KRT6B: variants seen among roughly 807,000 people sequenced by gnomAD.
KRT6B encodes keratin 6B, also known as keratin, type II cytoskeletal 6B.
A neutral mutation model predicts 44.7 loss-of-function variants in KRT6B; 29 were observed. That is an observed-to-expected ratio of 0.65 (90% CI 0.48 to 0.88). The LOEUF is 0.88. KRT6B is among the 40% of genes least tolerant of loss of function. The pLI is 0.00. For missense variants in KRT6B, 600 were observed against 724.0 expected (o/e 0.83, Z 1.97); for synonymous variants, 213 against 296.0 (o/e 0.72, Z 2.88).
intron 6 of KRT6B, 78 bp downstream of exon 6, chr12:52,448,764 A>T: frequency 6.2e-7 from 1 of 1,611,734 alleles, no homozygotes; most frequent in Non-Finnish European, 8.5e-7. Flanking sequence ...AAAGAATTTT[A>T]CTAAATGATG....
chr12:52,449,509 T>C lies in KRT6B; in HGVS notation c.1037A>G (p.Gln346Arg). The change falls in exon 5 of 9, where the codon CAG (glutamine) becomes CGG (arginine). Residue 346 changes from glutamine (Q) to arginine (R), a missense_variant. This residue lies in a region of KRT6B where 479 missense variants were observed against 454.2 expected (regional missense o/e 1.05). Coordinates refer to ENST00000252252, the MANE Select transcript of KRT6B (RefSeq NM_005555.4). Reference sequence around the variant, plus strand: ...GGACTCAGCCTCAGCCCTGCTCCTCTGAGCAATCTCCTCATATTGGGCCTT... The same window carrying C: ...GGACTCAGCCTCAGCCCTGCTCCTCCGAGCAATCTCCTCATATTGGGCCTT... The part of the protein sequence containing the change: ...EVKAQYEEIA[Q>R]RSRAEAESWY... The C allele has an allele frequency of 6.2e-7, 1 of 1,614,212 alleles. No individual in the cohort carries two copies. Among genetic ancestry groups the C allele is most frequent in the Non-Finnish European group, 8.5e-7 (1 of 1,180,034 alleles).
intron 6 of KRT6B, 31 bp downstream of exon 6, chr12:52,448,811 T>A: frequency 1.9e-6 from 3 of 1,614,132 alleles, no homozygotes; most frequent in Non-Finnish European, 2.5e-6. Flanking sequence ...AAAAAAATGA[T>A]GCTTTTCTCC....
chr12:52,448,839 T>A lies in KRT6B; in HGVS notation c.1203+3A>T. The A allele has an allele frequency of 1.2e-6, 2 of 1,614,144 alleles. No homozygotes were observed. The highest frequency in any genetic ancestry group is 1.6e-4 in the Middle Eastern group (1 of 6,062). ...TTTTCTCCTCCATTGCCCCTCACCATACCTGCTTCTTGACGTGGTCGATCT... is the reference window on the plus strand; with the variant it reads ...TTTTCTCCTCCATTGCCCCTCACCAAACCTGCTTCTTGACGTGGTCGATCT... On this transcript the variant is annotated splice_donor_region_variant and intron_variant, in intron 6 of 8. Coordinates refer to ENST00000252252, the MANE Select transcript of KRT6B (RefSeq NM_005555.4).
Position 52,448,915 on chromosome 12 carries a change from G to A in KRT6B, c.1130C>T (p.Thr377Ile). 6.2e-7 allele frequency: 1 copy of A among 1,613,816 alleles called. No individual in the cohort carries two copies. Among genetic ancestry groups the A allele is most frequent in the Non-Finnish European group, 8.5e-7 (1 of 1,179,946 alleles). ...AGRHGDDLRN[T>I]KQEIAEINRM... ...GTTGATCTCAGCAATCTCCTGCTTG[G>A]TGTTGCGCAGGTCGTCCCCATGTCT... Residue 377 changes from threonine to isoleucine, a missense_variant, in exon 6 of 9, where the codon ACC (threonine) becomes ATC (isoleucine). This residue lies in a region of KRT6B where 479 missense variants were observed against 454.2 expected (regional missense o/e 1.05). Transcript: ENST00000252252.
chr12:52,448,488 A>G (rs1940347918), intron 6 of KRT6B, among the ~76,000 whole-genome samples: 1 of 152,006 alleles, frequency 6.6e-6, no homozygotes, highest in Non-Finnish European at 1.5e-5. Context: ...GTGAACCTTG[A>G]GCAGATTTGC....
chr12:52,451,942 CCACCACTGCCCCTGGA>C lies in KRT6B; in HGVS notation c.121_136del (p.Ser41AlafsTer100). 1 of 1,613,254 alleles carries C rather than the reference CCACCACTGCCCCTGGA, an allele frequency of 6.2e-7. No individual in the cohort carries two copies. The highest frequency in any genetic ancestry group is 8.5e-7 in the Non-Finnish European group (1 of 1,179,990). On this transcript the variant is annotated frameshift_variant, in exon 1 of 9. Transcript: ENST00000252252. LOFTEE classifies it high-confidence loss of function. ...AGCTCCTCCACATGCGCCACCCAGG[CCACCACTGCCCCTGGA>C]GCGGGACACGGAGATGCTGCTGAAG...
Position 52,451,873 on chromosome 12 carries a change from C to A in KRT6B, c.206G>T (p.Arg69Met). Reference sequence around the variant, plus strand: ...ACAGCTGCCCCCTCCAATGGAGATCCTCTTGGAGCCCCCCAGGCCATACAG... The same window carrying A: ...ACAGCTGCCCCCTCCAATGGAGATCATCTTGGAGCCCCCCAGGCCATACAG... ...RSLYGLGGSK[R>M]ISIGGGSCAI... Residue 69 changes from arginine (R) to methionine (M), a missense_variant, in exon 1 of 9, where the codon AGG becomes ATG. By Grantham distance (91) the Arg-to-Met change is moderately conservative. Around this residue, in one of 4 missense-constraint regions of KRT6B, gnomAD observed 78 missense variants for 97.5 expected, o/e 0.80. Coordinates refer to ENST00000252252, the MANE Select transcript of KRT6B (RefSeq NM_005555.4). 1.2e-6 allele frequency: 2 copies of A among 1,612,332 alleles called. No homozygotes were observed. Among genetic ancestry groups the A allele is most frequent in the Non-Finnish European group, 1.7e-6 (2 of 1,179,908 alleles).
In KRT6B at chr12:52,447,181, G is replaced by C; in HGVS notation, c.*9C>G. 1 of 1,613,878 alleles carries C rather than the reference G, an allele frequency of 6.2e-7. No homozygotes were observed. Among genetic ancestry groups the C allele is most frequent in the Non-Finnish European group, 8.5e-7 (1 of 1,179,952 alleles). ...GAGAGCTGTGGGACTGAGAGCTGGC[G>C]GCAGCACTTCAGTGCTTGTAGCTCT... On this transcript the variant is annotated 3_prime_UTR_variant, in exon 9 of 9. Transcript: ENST00000252252.
chr12:52,448,740 A>T (rs1171630210), intron 6 of KRT6B, 102 bp downstream of exon 6: 1 of 1,591,082 alleles, frequency 6.3e-7, no homozygotes, highest in African/African-American at 1.3e-5. Flanking sequence ...TTCTCTGCTT[A>T]TCAATCAATT....
chr12:52,447,224 G>T lies in KRT6B; in HGVS notation c.1661C>A (p.Thr554Asn), dbSNP rs539318306. The T allele has an allele frequency of 1.7e-5, 28 of 1,614,064 alleles. No homozygotes were observed. In the South Asian group the frequency reaches 2.3e-4, roughly 13 times the overall value. ...GTAGCTCTTCCTGCTGGAGGAGGAG[G>T]TGGTGGTGTACTTGATGGTGGAACT... is the stretch of plus-strand genomic sequence containing the variant. ...GGSSTIKYTT[T>N]SSSSRKSYKH is the part of the protein sequence containing the mutation. The change falls in exon 9 of 9, where the codon ACC (threonine) becomes AAC (asparagine). Residue 554 changes from threonine (T) to asparagine (N), a missense_variant. Thr to Asn is a moderately conservative substitution (Grantham distance 65). Coordinates refer to ENST00000252252, the MANE Select transcript of KRT6B (RefSeq NM_005555.4).
At position 52,451,620 on chromosome 12, in the gene KRT6B, G is replaced by C. The variant is rs767573535; in HGVS notation, c.459C>G (p.Asp153Glu). The change falls in exon 1 of 9, where the codon GAC (aspartate) becomes GAG (glutamate). Residue 153 changes from aspartate (D) to glutamate (E), a missense_variant. Asp to Glu is a conservative substitution (Grantham distance 45). Around this residue, in one of 4 missense-constraint regions of KRT6B, gnomAD observed 31 missense variants for 79.0 expected, o/e 0.39. Transcript: ENST00000252252. Reference sequence around the variant, plus strand: ...CGGCCCGCACCCGCTGGATGGCGGGGTCAATTTGCAGGTTGAGGGGAGTCA... The same window carrying C: ...CGGCCCGCACCCGCTGGATGGCGGGCTCAATTTGCAGGTTGAGGGGAGTCA... ...SLLTPLNLQI[D>E]PAIQRVRAEE... is the part of the protein sequence containing the mutation. The C allele has an allele frequency of 8.1e-6, 13 of 1,613,048 alleles. No homozygotes were observed. The highest frequency in any genetic ancestry group is 1.1e-5 in the Non-Finnish European group (13 of 1,180,026).
At chr12:52,451,462 T>A in intron 1 of KRT6B, 77 bp downstream of exon 1, 1 of 1,612,704 alleles carries the variant, frequency 6.2e-7, no homozygotes, top group Non-Finnish European at 8.5e-7. Context: ...CCTCCTAGGG[T>A]CTCTCCGGCA....
Position 52,447,407 on chromosome 12 carries a change from A to G in KRT6B, c.1478T>C (p.Val493Ala). 1 of 1,614,022 alleles carries G rather than the reference A, an allele frequency of 6.2e-7. No individual in the cohort carries two copies. Residue 493 changes from valine to alanine, a missense_variant, in exon 9 of 9, where the codon GTC (valine) becomes GCC (alanine). Coordinates refer to ENST00000252252, the MANE Select transcript of KRT6B (RefSeq NM_005555.4). ...GCTGGCACCGCCATAGCCACTGGAGACGGTGGACTGCACTACAGCTGTGGT... is the reference window on the plus strand; with the variant it reads ...GCTGGCACCGCCATAGCCACTGGAGGCGGTGGACTGCACTACAGCTGTGGT... ...QVNISVVQST[V>A]SSGYGGASGV...
In KRT6B at chr12:52,447,847, A is replaced by T; in HGVS notation, c.1355T>A (p.Met452Lys). The change falls in exon 7 of 9, where the codon ATG becomes AAG. Residue 452 changes from methionine to lysine, a missense_variant. Transcript: ENST00000252252. ...CACATCCAGGGCCAGCTTGACGTTC[A>T]TCAGCTCCTGGTACTCCTTCAGCAG... ...ARLLKEYQEL[M>K]NVKLALDVEI... 1.2e-6 allele frequency: 2 copies of T among 1,614,152 alleles called. No individual in the cohort carries two copies. Among genetic ancestry groups the T allele is most frequent in the East Asian group, 2.2e-5 (1 of 44,866 alleles).
chr12:52,451,450 T>A (rs1940401149), intron 1 of KRT6B, 89 bp downstream of exon 1: 1 of 1,611,742 alleles, frequency 6.2e-7, no homozygotes, highest in Non-Finnish European at 8.5e-7. Context: ...CCCTTCTCCC[T>A]CCCTCCTAGG....
intron 6 of KRT6B, 142 bp from the exon 7 acceptor site, chr12:52,448,140 T>C (rs1940342942): frequency 8.7e-7 from 1 of 1,149,702 alleles, no homozygotes; most frequent in African/African-American, 1.5e-5. Flanking sequence ...GTCTAGCCTT[T>C]TTACTGTCTT....
intron 1 of KRT6B, among the ~76,000 whole-genome samples, chr12:52,450,872 A>T (rs1940392947): frequency 6.6e-6 from 1 of 152,206 alleles, no homozygotes. Flanking sequence ...GAGTTTCAAC[A>T]TTTCTTCTTT....
At position 52,447,280 on chromosome 12, in the gene KRT6B, A is replaced by G; in HGVS notation, c.1605T>C (p.Thr535=). ...CTCCAACAGAGCTGAGGCCACCCCCAGTGGCTCTGCCGCTGCTGGAACTAA... is the reference window on the plus strand; with the variant it reads ...CTCCAACAGAGCTGAGGCCACCCCCGGTGGCTCTGCCGCTGCTGGAACTAA... ...GGFSSSSGRA[T]GGGLSSVGGG... Residue 535 remains threonine, a synonymous_variant, in exon 9 of 9, where the codon ACT becomes ACC. Transcript: ENST00000252252. 6.2e-7 allele frequency: 1 copy of G among 1,614,006 alleles called. No homozygotes were observed. The highest frequency in any genetic ancestry group is 1.1e-5 in the South Asian group (1 of 91,072).
Position 52,449,906 on chromosome 12 carries a change from C to G in KRT6B, c.817-53G>C, listed in dbSNP as rs1359212399. The G allele has an allele frequency of 3.5e-5, 57 of 1,613,724 alleles. No individual in the cohort carries two copies. The African/African-American group carries it at 7.5e-4, about 21-fold the overall frequency. ...TGCCTGAGCTCACCTTTCCAATCTA[C>G]CCATCTTCTAGTCCTCCTGCCAATT... On this transcript the variant is annotated intron_variant, in intron 3 of 8. Coordinates refer to ENST00000252252, the MANE Select transcript of KRT6B (RefSeq NM_005555.4).
Sources: gnomAD v4.1 joint callset for allele counts (sites outside exome capture counted in the v4.1 genomes callset) on GRCh38, gnomAD v4.1.1 for gene constraint, gnomAD v4.1.1 regional missense constraint, MANE v1.5 for transcripts, NCBI Gene and HGNC (gene_info 2026-07-23, HGNC 2026-07-21) for gene names.